INSR: variants seen among roughly 807,000 people sequenced by gnomAD.
INSR encodes the protein IR.
INSR carries 67 observed loss-of-function variants against 142.6 expected under a neutral mutation model. The ratio of observed to expected loss-of-function variants is 0.47; its 90% CI spans 0.39 to 0.58. The LOEUF (loss-of-function observed/expected upper bound fraction) is 0.58, where lower values mean the gene tolerates loss of function less well. Ranked by LOEUF, INSR falls within the 20% of genes least tolerant of loss-of-function variation. The pLI is 0.00. For missense variants in INSR, 1,248 were observed against 1,833.2 expected, an observed-to-expected ratio of 0.68 and a Z score of 5.83; for synonymous variants, 756 against 743.1, an observed-to-expected ratio of 1.02 and a Z score of -0.28.
At chr19:7,181,300 G>A (rs892131504) in intron 3 of INSR, among the ~76,000 whole-genome samples, 1 of 152,150 alleles carries the variant, frequency 6.6e-6, no homozygotes, top group African/African-American at 2.4e-5. Flanking sequence ...CAAAGAGATT[G>A]TTCAAGGGGA....
chr19:7,123,094 T>C (rs893284019), intron 17 of INSR, 105 bp from the exon 18 acceptor site: 16 of 839,680 alleles, frequency 1.9e-5, no homozygotes, highest in African/African-American at 3.4e-5. Context: ...CCCTGTGGCC[T>C]GGATGCAGCG....
At chr19:7,206,666 T>C (rs1308325633) in intron 2 of INSR, among the ~76,000 whole-genome samples, 3 of 152,118 alleles carry the variant, frequency 2.0e-5, no homozygotes, top group Non-Finnish European at 4.4e-5. Flanking sequence ...GACTGTCTAT[T>C]TGCAAGAACC....
intron 14 of INSR, 21 bp downstream of exon 14, chr19:7,132,137 G>A (rs1198488623): frequency 2.5e-6 from 4 of 1,614,000 alleles, no homozygotes; most frequent in East Asian, 2.2e-5. Flanking sequence ...CCAGTCAGCT[G>A]AGGCTGCCAT....
At chr19:7,118,750 CA>C (rs35928600) in intron 21 of INSR, among the ~76,000 whole-genome samples, 268 of 129,182 alleles carry the variant, frequency 2.1e-3, no homozygotes, top group African/African-American at 3.4e-3. Flanking sequence ...ACTAAAAATA[CA>C]AAAAAAAAAA....
chr19:7,141,565 G>C, intron 13 of INSR, 112 bp downstream of exon 13: 2 of 1,478,262 alleles, frequency 1.4e-6, no homozygotes, highest in Non-Finnish European at 1.9e-6. Context: ...CACAGTACCT[G>C]ATGAGAGAAG....
intron 2 of INSR, among the ~76,000 whole-genome samples, chr19:7,265,234 A>G (rs1967686221): frequency 6.6e-6 from 1 of 152,216 alleles, no homozygotes; most frequent in Non-Finnish European, 1.5e-5. Context: ...AGTCACTACC[A>G]TGATCAGAAC....
At chr19:7,149,350 A>G (rs1156726457) in intron 11 of INSR, among the ~76,000 whole-genome samples, 1 of 151,860 alleles carries the variant, frequency 6.6e-6, no homozygotes, top group Admixed American at 6.6e-5. Context: ...ATAAATAAAC[A>G]CTCTGCTAAA....
At chr19:7,259,247 T>G (rs1976988870) in intron 2 of INSR, among the ~76,000 whole-genome samples, 1 of 151,636 alleles carries the variant, frequency 6.6e-6, no homozygotes, top group South Asian at 2.1e-4. Flanking sequence ...CGCAATGACA[T>G]CTATAAGACA....
chr19:7,260,214 C>A (rs1425857123), intron 2 of INSR, among the ~76,000 whole-genome samples: 1 of 152,056 alleles, frequency 6.6e-6, no homozygotes, highest in East Asian at 1.9e-4. Flanking sequence ...AATCTCAGAC[C>A]CAGGGAGGAG....
chr19:7,124,541 GAAAAAAAAAAAAA>G (rs531613079), intron 17 of INSR, among the ~76,000 whole-genome samples: 7 of 9,924 alleles, frequency 7.1e-4, no homozygotes, highest in African/African-American at 2.1e-3. Context: ...TCCGTTTCAG[GAAAAAAAAAAAAA>G]AAAAAAAAAA....
At chr19:7,123,029 T>C (rs1972532929) in intron 17 of INSR, 40 bp from the exon 18 acceptor site, 1 of 1,443,876 alleles carries the variant, frequency 6.9e-7, no homozygotes, top group African/African-American at 1.4e-5. Context: ...GGAGGGTCCG[T>C]GATTCGACTC....
chr19:7,136,023 G>A (rs765198418), intron 13 of INSR, among the ~76,000 whole-genome samples: 1 of 151,614 alleles, frequency 6.6e-6, no homozygotes, highest in South Asian at 2.1e-4. Flanking sequence ...AAGCAGCTGT[G>A]CCATTTTATG....
chr19:7,202,754 G>T (rs1477568704), intron 2 of INSR, among the ~76,000 whole-genome samples: 1 of 152,180 alleles, frequency 6.6e-6, no homozygotes, highest in African/African-American at 2.4e-5. Flanking sequence ...GCTCGCCTCG[G>T]CCTCCCAAAG....
Position 7,159,255 on chromosome 19 carries a change from A to G in INSR, c.2029+3777T>C, listed in dbSNP as rs1973690057. 6.6e-6 allele frequency among the ~76,000 whole-genome samples: 1 copy of G among 152,008 alleles called. No individual in the cohort carries two copies. The highest frequency in any genetic ancestry group is 2.1e-4 in the South Asian group (1 of 4,816). ...TTCTGTGGTATTAAGTGCATTCACA[A>G]TGTTGTGCAATCATCACCACCATCA... On this transcript the variant is annotated intron_variant, in intron 9 of 21. Coordinates refer to ENST00000302850, the MANE Select transcript of INSR (RefSeq NM_000208.4). This position sits in a 1 kb window ranked among gnomAD's most constrained non-coding sequence, Gnocchi z 4.3.
chr19:7,153,357 A>AT (rs1973485029), intron 9 of INSR, among the ~76,000 whole-genome samples: 1 of 92,904 alleles, frequency 1.1e-5, no homozygotes, highest in African/African-American at 6.5e-5. Context: ...CAGACCACAC[A>AT]CCACACACCC....
At chr19:7,143,500 G>T (rs1973122744) in intron 11 of INSR, among the ~76,000 whole-genome samples, 1 of 152,132 alleles carries the variant, frequency 6.6e-6, no homozygotes, top group South Asian at 2.1e-4. Flanking sequence ...TTTGCTCATT[G>T]GCCCAAGCTA....
At chr19:7,244,075 T>C (rs565092345) in intron 2 of INSR, among the ~76,000 whole-genome samples, 5 of 152,208 alleles carry the variant, frequency 3.3e-5, no homozygotes, top group African/African-American at 1.2e-4. Context: ...AATAAAACAA[T>C]TTAAAAACCT....
intron 2 of INSR, among the ~76,000 whole-genome samples, chr19:7,245,745 CG>C (rs1976522433): frequency 6.6e-6 from 1 of 152,016 alleles, no homozygotes; most frequent in Admixed American, 6.6e-5. Context: ...CACGCCCAGC[CG>C]AGCCCCACTT....
Position 7,122,861 on chromosome 19 carries a change from TCC to T in INSR, c.3369+16_3369+17del, listed in dbSNP as rs1204931600. 1 of 1,609,610 alleles carries T rather than the reference TCC, an allele frequency of 6.2e-7. No homozygotes were observed. Among genetic ancestry groups the T allele is most frequent in the Non-Finnish European group, 8.5e-7 (1 of 1,177,898 alleles). ...GTGCTCCACCGAGTACCCCGCTGGG[TCC>T]CCCGAAGCAGCTTACCTCAGCCTCT... is the stretch of plus-strand genomic sequence containing the variant. On this transcript the variant is annotated intron_variant, in intron 18 of 21. Transcript: ENST00000302850.
Sources: allele counts gnomAD v4.1 joint callset (sites outside exome capture counted in the v4.1 genomes callset), GRCh38; gene constraint gnomAD v4.1.1; non-coding constraint Gnocchi (gnomAD v3.1); transcripts MANE v1.5; gene names NCBI Gene and HGNC (gene_info 2026-07-23, HGNC 2026-07-21).